IL1RAPL1: variants seen among roughly 807,000 people sequenced by gnomAD.
IL1RAPL1 encodes interleukin-1 receptor accessory protein-like 1.
IL1RAPL1 carries 3 observed loss-of-function variants against 48.4 expected under a neutral mutation model. That is an observed-to-expected ratio of 0.06 (90% confidence interval 0.03 to 0.16). The LOEUF (loss-of-function observed/expected upper bound fraction) is 0.16, where lower values mean the gene tolerates loss of function less well. IL1RAPL1 is among the 10% of genes least tolerant of loss of function. IL1RAPL1 has a pLI of 1.00. For missense variants in IL1RAPL1, 349 were observed against 530.6 expected, an observed-to-expected ratio of 0.66 and a Z score of 3.36; for synonymous variants, 185 against 187.7, an observed-to-expected ratio of 0.99 and a Z score of 0.12.
At chrX:29,803,240 T>C (rs1378073994) in intron 6 of IL1RAPL1, among the ~76,000 whole-genome samples, 2 of 29,581 alleles carry the variant, frequency 6.8e-5, no homozygotes, top group Non-Finnish European at 1.3e-4. Context: ...CACATGTATA[T>C]ATGTATACAT....
intron 6 of IL1RAPL1, among the ~76,000 whole-genome samples, chrX:29,707,689 A>G (rs777854344): frequency 8.9e-6 from 1 of 112,069 alleles, no homozygotes; most frequent in East Asian, 2.8e-4. Flanking sequence ...TCAGGAATGG[A>G]AAACCATACA....
chrX:29,217,010 C>G (rs1254684044), intron 2 of IL1RAPL1, among the ~76,000 whole-genome samples: 1 of 111,433 alleles, frequency 9.0e-6, no homozygotes, highest in Non-Finnish European at 1.9e-5. Context: ...AGAGAAAAGC[C>G]TTATGGTAGT....
intron 2 of IL1RAPL1, among the ~76,000 whole-genome samples, chrX:28,995,472 A>G (rs1198128165): frequency 9.0e-6 from 1 of 111,291 alleles, no homozygotes; most frequent in Non-Finnish European, 1.9e-5. Flanking sequence ...AAAGGAGGAA[A>G]ATTAGGAGAA....
chrX:29,348,296 G>A (rs1933178331), intron 3 of IL1RAPL1, among the ~76,000 whole-genome samples: 1 of 111,765 alleles, frequency 8.9e-6, no homozygotes, highest in African/African-American at 3.3e-5. Flanking sequence ...CCCAGGTAAG[G>A]GGTTAATATT....
intron 5 of IL1RAPL1, among the ~76,000 whole-genome samples, chrX:29,626,965 A>T (rs1238975806): frequency 8.9e-6 from 1 of 112,529 alleles, no homozygotes; most frequent in Non-Finnish European, 1.9e-5. Flanking sequence ...TTGATGGTAA[A>T]TTATTAAAAG....
chrX:29,903,061 A>G (rs1483150426), intron 6 of IL1RAPL1, among the ~76,000 whole-genome samples: 6 of 110,541 alleles, frequency 5.4e-5, no homozygotes, highest in Non-Finnish European at 7.6e-5. Flanking sequence ...CCAAAGAACT[A>G]TCTGTGCTTT....
chrX:29,405,866 A>G (rs1366825039), intron 5 of IL1RAPL1, among the ~76,000 whole-genome samples: 1 of 104,963 alleles, frequency 9.5e-6, no homozygotes, highest in Non-Finnish European at 1.9e-5. Flanking sequence ...TTTTTTTTCT[A>G]CTTTTGATAT....
intron 5 of IL1RAPL1, among the ~76,000 whole-genome samples, chrX:29,642,502 A>C (rs1422264710): frequency 1.8e-5 from 2 of 112,443 alleles, no homozygotes; most frequent in Non-Finnish European, 3.7e-5. Flanking sequence ...TGTTATAATT[A>C]CCTGTCCTTT....
At chrX:29,471,110 A>G (rs1934915945) in intron 5 of IL1RAPL1, among the ~76,000 whole-genome samples, 1 of 111,310 alleles carries the variant, frequency 9.0e-6, no homozygotes, top group African/African-American at 3.3e-5. Flanking sequence ...AAGTCGAGAA[A>G]GTACCTTGGA....
intron 2 of IL1RAPL1, among the ~76,000 whole-genome samples, chrX:28,853,511 A>T (rs866650432): frequency 9.2e-6 from 1 of 108,182 alleles, no homozygotes; most frequent in Non-Finnish European, 1.9e-5. Context: ...ACACACACAC[A>T]CTCTCACTCA....
chrX:29,471,715 T>G (rs1222159709), intron 5 of IL1RAPL1, among the ~76,000 whole-genome samples: 2 of 110,967 alleles, frequency 1.8e-5, no homozygotes, highest in African/African-American at 6.6e-5. Context: ...TCTTTCCCCC[T>G]CCCCCTAGGC....
At chrX:29,655,865 C>T (rs901204064) in intron 5 of IL1RAPL1, among the ~76,000 whole-genome samples, 9 of 110,843 alleles carry the variant, frequency 8.1e-5, no homozygotes, top group African/African-American at 2.6e-4. Context: ...TGTTAATTTT[C>T]CCTACTGCAC....
intron 5 of IL1RAPL1, among the ~76,000 whole-genome samples, chrX:29,507,583 C>T (rs1935350273): frequency 9.9e-6 from 1 of 100,712 alleles, no homozygotes; most frequent in African/African-American, 3.7e-5. Flanking sequence ...AGAGACATAG[C>T]CTTGCTATGT....
chrX:29,347,398 T>G (rs1933165051), intron 3 of IL1RAPL1, among the ~76,000 whole-genome samples: 1 of 105,151 alleles, frequency 9.5e-6, no homozygotes, highest in Non-Finnish European at 2.0e-5. Context: ...TTCTTTTTTT[T>G]TTTTTGGAGA....
intron 2 of IL1RAPL1, among the ~76,000 whole-genome samples, chrX:29,080,996 C>CTTTCTTTCTTTCTTTCTTTCTT (rs202166358): frequency 4.7e-5 from 2 of 42,382 alleles, no homozygotes; most frequent in East Asian, 1.0e-3. Flanking sequence ...TTCTTTCTTT[C>CTTTCTTTCTTTCTTTCTTTCTT]TCTCTCTCTC....
chrX:29,233,857 A>G (rs1481810894), intron 2 of IL1RAPL1, among the ~76,000 whole-genome samples: 1 of 112,745 alleles, frequency 8.9e-6, no homozygotes, highest in African/African-American at 3.2e-5. Context: ...GAAGAGATAA[A>G]TTCTCCTGCT....
At chrX:29,079,495 TAGAA>T (rs1162441496) in intron 2 of IL1RAPL1, among the ~76,000 whole-genome samples, 2 of 109,935 alleles carry the variant, frequency 1.8e-5, no homozygotes, top group African/African-American at 6.6e-5. Context: ...GGTGTTATAA[TAGAA>T]AGAAAAGTAG....
chrX:29,684,070 C>T (rs1926545342), intron 6 of IL1RAPL1, among the ~76,000 whole-genome samples: 1 of 112,085 alleles, frequency 8.9e-6, no homozygotes, highest in African/African-American at 3.2e-5. Flanking sequence ...CCATGATGTG[C>T]ATATTTCACA....
At chrX:28,717,291 T>C (rs1324436844) in intron 1 of IL1RAPL1, among the ~76,000 whole-genome samples, 1 of 112,256 alleles carries the variant, frequency 8.9e-6, no homozygotes, top group Non-Finnish European at 1.9e-5. Context: ...ATGTAGTACA[T>C]ATATACCATT....
Sources: gnomAD v4.1 joint callset for allele counts (sites outside exome capture counted in the v4.1 genomes callset) on GRCh38, gnomAD v4.1.1 for gene constraint, MANE v1.5 for transcripts, NCBI Gene and HGNC (gene_info 2026-07-23, HGNC 2026-07-21) for gene names.